Variants in DCHS2 observed in about 807,000 individuals in gnomAD.
DCHS2 encodes the protein dachsous cadherin-related 2, also known as protocadherin-23.
In DCHS2, 142 loss-of-function variants were observed where a neutral mutation model predicts 182.4. That is an observed-to-expected ratio of 0.78 (90% CI 0.68 to 0.89). The LOEUF is 0.89. Ranked by LOEUF, DCHS2 falls within the 40% of genes least tolerant of loss-of-function variation. DCHS2 has a pLI of 0.00. For synonymous variants in DCHS2, 1,740 were observed against 1,663.3 expected (o/e 1.05, Z -1.12); for missense variants, 4,319 against 4,198.6 (o/e 1.03, Z -0.79).
At chr4:154,461,603 G>T (rs960721686) in intron 1 of DCHS2, among the ~76,000 whole-genome samples, 9 of 151,896 alleles carry the variant, frequency 5.9e-5, no homozygotes, top group Non-Finnish European at 1.3e-4. Context: ...AGAATAGAAG[G>T]TATATAGGTT....
intron 9 of DCHS2, among the ~76,000 whole-genome samples, chr4:154,316,847 G>A (rs1255741137): frequency 6.6e-6 from 1 of 152,082 alleles, no homozygotes; most frequent in Non-Finnish European, 1.5e-5. Flanking sequence ...AGTAAAATGT[G>A]TCTCTATCCC....
At chr4:154,451,526 C>T (rs1329566624) in intron 1 of DCHS2, among the ~76,000 whole-genome samples, 2 of 152,150 alleles carry the variant, frequency 1.3e-5, no homozygotes, top group Non-Finnish European at 2.9e-5. Flanking sequence ...GGACCTGACT[C>T]CTGCTATGTT....
At chr4:154,439,099 T>C (rs920083740) in intron 1 of DCHS2, among the ~76,000 whole-genome samples, 1 of 152,236 alleles carries the variant, frequency 6.6e-6, no homozygotes, top group African/African-American at 2.4e-5. Context: ...TTGCATATTA[T>C]GCTATTATAA....
At chr4:154,269,831 T>G (rs1225431599) in intron 14 of DCHS2, 69 bp downstream of exon 14, 2 of 1,557,920 alleles carry the variant, frequency 1.3e-6, no homozygotes, top group Admixed American at 2.2e-5. Context: ...ATTTCTACTT[T>G]GCAAATTTTG....
In DCHS2 at chr4:154,240,464, G is replaced by A. The variant is rs1195860828; in HGVS notation, c.7359+73C>T. 1.3e-5 allele frequency: 20 copies of A among 1,531,222 alleles called. No individual in the cohort carries two copies. In the East Asian group the frequency reaches 3.0e-4, roughly 23 times the overall value. The allele number at this position is 1,531,222 out of a possible 1,614,324, so 94.9% of individuals were successfully genotyped here. On this transcript the variant is annotated intron_variant, in intron 18 of 19. Transcript: ENST00000357232. ...TGTCTATCTGAATTAGTCTATCGGC[G>A]ATGGAAGACTTACATTATTCTCTAT...
chr4:154,282,291 G>C (rs113826426), intron 13 of DCHS2, among the ~76,000 whole-genome samples: 1,948 of 152,040 alleles, frequency 0.013, 44 homozygotes, highest in African/African-American at 0.044. Context: ...CTGATGAGAG[G>C]TTAATATCCA....
intron 16 of DCHS2, among the ~76,000 whole-genome samples, chr4:154,253,017 A>T (rs1175583093): frequency 6.7e-6 from 1 of 148,948 alleles, no homozygotes; most frequent in Non-Finnish European, 1.5e-5. Flanking sequence ...ACTAGGGAAA[A>T]TCCTCCTTTA....
chr4:154,333,694 A>G, intron 4 of DCHS2, 200 bp from the exon 5 acceptor site: 1 of 617,918 alleles, frequency 1.6e-6, no homozygotes, highest in South Asian at 2.1e-5. Context: ...ATAAATCCTT[A>G]CCATTGGGGT....
At chr4:154,383,127 A>C (rs1304915461) in intron 1 of DCHS2, among the ~76,000 whole-genome samples, 6 of 152,238 alleles carry the variant, frequency 3.9e-5, no homozygotes, top group Non-Finnish European at 7.3e-5. Context: ...AAAATGTGGA[A>C]CATATGCACT....
At chr4:154,442,127 T>G (rs1274557720) in intron 1 of DCHS2, among the ~76,000 whole-genome samples, 11 of 152,116 alleles carry the variant, frequency 7.2e-5, no homozygotes, top group Non-Finnish European at 1.2e-4. Context: ...CAAAATTTAG[T>G]GGGCAGGTAC....
intron 1 of DCHS2, among the ~76,000 whole-genome samples, chr4:154,449,477 C>T (rs1199408644): frequency 1.3e-5 from 2 of 151,782 alleles, no homozygotes; most frequent in Non-Finnish European, 2.9e-5. Context: ...CTCAAGGGAC[C>T]CTCCCACCTC....
intron 1 of DCHS2, among the ~76,000 whole-genome samples, chr4:154,486,204 A>G (rs545573966): frequency 2.0e-5 from 3 of 152,304 alleles, no homozygotes; most frequent in African/African-American, 7.2e-5. Context: ...TGTCCTCTGC[A>G]TTAATTCCCT....
intron 13 of DCHS2, among the ~76,000 whole-genome samples, chr4:154,285,140 C>A (rs115046094): frequency 6.6e-6 from 1 of 152,214 alleles, no homozygotes; most frequent in East Asian, 1.9e-4. Context: ...AGAAAGAAAC[C>A]TGCTATCTTT....
At chr4:154,446,047 C>T (rs1371262193) in intron 1 of DCHS2, among the ~76,000 whole-genome samples, 1 of 152,190 alleles carries the variant, frequency 6.6e-6, no homozygotes, top group Non-Finnish European at 1.5e-5. Context: ...ATAATTTCAT[C>T]TACATTTTCC....
At chr4:154,450,202 A>G (rs1393101911) in intron 1 of DCHS2, among the ~76,000 whole-genome samples, 2 of 152,190 alleles carry the variant, frequency 1.3e-5, no homozygotes, top group Non-Finnish European at 2.9e-5. Context: ...ATGAAGGAAA[A>G]CACTTCTTGG....
At position 154,377,272 on chromosome 4, in the gene DCHS2, A is replaced by G. The variant is rs115814256; in HGVS notation, c.2225T>C (p.Leu742Pro). ...ACTTACCCCATCCTTAGCTTCCACC[A>G]GGAGATCATAGGTAGCTGGATCCCT... The part of the protein sequence containing the change: ...RERDPATYDL[L>P]VEAKDGGGLS... The change falls in exon 2 of 20, where the codon CTG (leucine) becomes CCG (proline). Residue 742 changes from leucine (L) to proline (P), a missense_variant. Leu to Pro is a moderately conservative substitution (Grantham distance 98). Coordinates refer to ENST00000357232, the MANE Select transcript of DCHS2 (RefSeq NM_001358235.2). 988 of 1,613,328 alleles carry G rather than the reference A, an allele frequency of 6.1e-4. 3 individuals are homozygous for G. The African/African-American group carries it at 0.012, about 19-fold the overall frequency.
At chr4:154,437,943 A>G (rs1283189295) in intron 1 of DCHS2, among the ~76,000 whole-genome samples, 4 of 152,160 alleles carry the variant, frequency 2.6e-5, no homozygotes, top group African/African-American at 9.7e-5. Context: ...AGGCCAAGGC[A>G]GGAGGACCAC....
intron 6 of DCHS2, among the ~76,000 whole-genome samples, chr4:154,329,170 A>G (rs888926280): frequency 6.6e-6 from 1 of 152,166 alleles, no homozygotes; most frequent in Non-Finnish European, 1.5e-5. Flanking sequence ...TCTTAGAGAC[A>G]TGTATCAATT....
At chr4:154,446,640 A>C (rs1266057548) in intron 1 of DCHS2, among the ~76,000 whole-genome samples, 2 of 152,130 alleles carry the variant, frequency 1.3e-5, no homozygotes, top group African/African-American at 4.8e-5. Flanking sequence ...CTGGAACCTG[A>C]GTGCAGGCGA....
Sources: allele counts gnomAD v4.1 joint callset (sites outside exome capture counted in the v4.1 genomes callset), GRCh38; gene constraint gnomAD v4.1.1; transcripts MANE v1.5; gene names NCBI Gene and HGNC (gene_info 2026-07-23, HGNC 2026-07-21).